The following LRRTM4 variants were observed in gnomAD, a reference collection of about 807,000 sequenced individuals.
LRRTM4 encodes leucine-rich repeat transmembrane neuronal protein 4.
LRRTM4 carries 25 observed loss-of-function variants against 47.6 expected under a neutral mutation model. That is an observed-to-expected ratio of 0.53 (90% CI 0.38 to 0.73). The LOEUF (loss-of-function observed/expected upper bound fraction) is 0.73, where lower values mean the gene tolerates loss of function less well. Ranked by LOEUF, LRRTM4 falls within the 30% of genes least tolerant of loss-of-function variation. LRRTM4 has a pLI of 0.00. For synonymous variants in LRRTM4, 311 were observed against 269.5 expected (o/e 1.15, Z -1.51); for missense variants, 638 against 713.4 (o/e 0.89, Z 1.20).
chr2:77,316,015 T>C (rs1677607598), intron 3 of LRRTM4, among the ~76,000 whole-genome samples: 1 of 152,206 alleles, frequency 6.6e-6, no homozygotes. Flanking sequence ...TTTTTCTCAC[T>C]GGAACAGGGA....
chr2:76,862,768 T>G (rs2104015398), intron 3 of LRRTM4, among the ~76,000 whole-genome samples: 1 of 152,342 alleles, frequency 6.6e-6, no homozygotes, highest in South Asian at 2.1e-4. Flanking sequence ...ATCTAAGAGC[T>G]GAAAATGAGT....
intron 3 of LRRTM4, among the ~76,000 whole-genome samples, chr2:76,831,571 T>A (rs1247913619): frequency 6.6e-6 from 1 of 152,150 alleles, no homozygotes; most frequent in Non-Finnish European, 1.5e-5. Context: ...TAAAAAGATG[T>A]ATCCCTAGAT....
chr2:76,874,731 A>G (rs1672731207), intron 3 of LRRTM4, among the ~76,000 whole-genome samples: 1 of 151,928 alleles, frequency 6.6e-6, no homozygotes, highest in African/African-American at 2.4e-5. Context: ...TCTTCAGAAT[A>G]AATTCCTAGA....
chr2:77,130,192 G>A (rs577078181), intron 3 of LRRTM4, among the ~76,000 whole-genome samples: 46 of 152,276 alleles, frequency 3.0e-4, no homozygotes, highest in African/African-American at 1.1e-3. Context: ...AAGTTAGTTA[G>A]AGAAAAACAT....
intron 3 of LRRTM4, among the ~76,000 whole-genome samples, chr2:76,862,955 GATT>G (rs1267930462): frequency 6.6e-6 from 1 of 152,158 alleles, no homozygotes; most frequent in African/African-American, 2.4e-5. Flanking sequence ...CTTATTTCCA[GATT>G]ATGTTTCTAC....
intron 3 of LRRTM4, among the ~76,000 whole-genome samples, chr2:77,288,855 G>T (rs570594846): frequency 1.5e-4 from 23 of 152,136 alleles, no homozygotes; most frequent in Non-Finnish European, 2.5e-4. Context: ...TATCTCAGCA[G>T]AAGCCAATTG....
At chr2:77,349,651 A>G (rs1424590751) in intron 3 of LRRTM4, among the ~76,000 whole-genome samples, 1 of 152,158 alleles carries the variant, frequency 6.6e-6, no homozygotes, top group Non-Finnish European at 1.5e-5. Context: ...GAAAATGAGT[A>G]CATATGTTTT....
Position 77,274,550 on chromosome 2 carries a change from G to T in LRRTM4, c.1551+243768C>A, listed in dbSNP as rs377069193. Among the ~76,000 whole-genome samples the T allele has an allele frequency of 1.6e-4, 24 of 152,102 alleles. No homozygotes were observed. In the South Asian group the frequency reaches 4.4e-3, roughly 28 times the overall value. On this transcript the variant is annotated intron_variant, in intron 3 of 3. Coordinates refer to ENST00000409884, the MANE Select transcript of LRRTM4 (RefSeq NM_001134745.3). ...AGTGTATTTAAAGACTACAATTTAG[G>T]TACTCGATCAGTAATTTCAAAGTGA...
intron 3 of LRRTM4, among the ~76,000 whole-genome samples, chr2:76,888,779 A>C (rs28394817): frequency 6.6e-6 from 1 of 151,622 alleles, no homozygotes; most frequent in Non-Finnish European, 1.5e-5. Flanking sequence ...ATAATGCTTA[A>C]TTTTTTGCAT....
intron 3 of LRRTM4, among the ~76,000 whole-genome samples, chr2:76,861,157 G>A (rs974792113): frequency 9.2e-5 from 14 of 151,976 alleles, no homozygotes; most frequent in African/African-American, 3.4e-4. Flanking sequence ...ATTCAGACGA[G>A]CTACATTACT....
intron 3 of LRRTM4, among the ~76,000 whole-genome samples, chr2:76,964,562 A>G (rs991973552): frequency 4.0e-5 from 6 of 150,916 alleles, no homozygotes; most frequent in African/African-American, 1.5e-4. Context: ...CATATATTCA[A>G]ATTGTTTGAC....
At chr2:77,018,259 C>CTTTTTTTTTTTTTTATTTTTTTTTT (rs1678142699) in intron 3 of LRRTM4, among the ~76,000 whole-genome samples, 1 of 75,036 alleles carries the variant, frequency 1.3e-5, no homozygotes, top group Non-Finnish European at 2.4e-5. Context: ...CTCTTGATTG[C>CTTTTTTTTTTTTTTATTTTTTTTTT]TTTTTTTTTT....
intron 3 of LRRTM4, among the ~76,000 whole-genome samples, chr2:77,225,207 C>A (rs186487002): frequency 1.2e-3 from 122 of 99,216 alleles, no homozygotes; most frequent in African/African-American, 4.8e-3. Flanking sequence ...ACACCGGGGA[C>A]TGTTGTGGGG....
chr2:77,067,384 G>A (rs1173195309), intron 3 of LRRTM4, among the ~76,000 whole-genome samples: 1 of 151,878 alleles, frequency 6.6e-6, no homozygotes, highest in African/African-American at 2.4e-5. Flanking sequence ...ATAAAACCTG[G>A]CACTAAGCTG....
chr2:77,489,496 T>C (rs1171361347), intron 3 of LRRTM4, among the ~76,000 whole-genome samples: 1 of 152,224 alleles, frequency 6.6e-6, no homozygotes, highest in Non-Finnish European at 1.5e-5. Context: ...TTACTTTCCT[T>C]TTTTGATAAT....
intron 3 of LRRTM4, among the ~76,000 whole-genome samples, chr2:76,770,261 T>A (rs2104109959): frequency 6.6e-6 from 1 of 152,318 alleles, no homozygotes; most frequent in East Asian, 1.9e-4. Context: ...ATGTCATAAA[T>A]CCTTGTCTTT....
At chr2:77,013,742 A>C (rs532495133) in intron 3 of LRRTM4, among the ~76,000 whole-genome samples, 1 of 152,324 alleles carries the variant, frequency 6.6e-6, no homozygotes, top group South Asian at 2.1e-4. Context: ...AACTGGAAGC[A>C]AAATCCTGTG....
At chr2:77,116,164 T>A (rs1671384163) in intron 3 of LRRTM4, among the ~76,000 whole-genome samples, 1 of 152,112 alleles carries the variant, frequency 6.6e-6, no homozygotes, top group Non-Finnish European at 1.5e-5. Flanking sequence ...TACCTTTCAT[T>A]TAAGTAGGGA....
chr2:76,915,950 A>G (rs559940138), intron 3 of LRRTM4, among the ~76,000 whole-genome samples: 6 of 152,170 alleles, frequency 3.9e-5, no homozygotes, highest in Admixed American at 3.9e-4. Flanking sequence ...GCCTCTTAAA[A>G]GGCAGTTTGT....
Sources: gnomAD v4.1 joint callset for allele counts (sites outside exome capture counted in the v4.1 genomes callset) on GRCh38, gnomAD v4.1.1 for gene constraint, MANE v1.5 for transcripts, NCBI Gene and HGNC (gene_info 2026-07-23, HGNC 2026-07-21) for gene names.